The following RHBDD1 variants were observed in gnomAD, a reference collection of about 807,000 sequenced individuals.
RHBDD1 encodes the protein rhomboid domain containing 1, also known as rhomboid-related protein 4.
Under a neutral mutation model 36.3 loss-of-function variants are expected in RHBDD1, and 38 were observed. The ratio of observed to expected loss-of-function variants is 1.05; its 90% CI spans 0.81 to 1.37. RHBDD1 has a LOEUF of 1.37. Among genes scored for constraint, RHBDD1 ranks in the 40% most tolerant of loss-of-function variants. RHBDD1 has a pLI of 0.00. For synonymous variants in RHBDD1, 151 were observed against 136.5 expected (o/e 1.11, Z -0.74); for missense variants, 393 against 377.6 (o/e 1.04, Z -0.34).
chr2:226,825,584 T>TA, the RHBDD1 span, among the ~76,000 whole-genome samples: 1 of 152,190 alleles, frequency 6.6e-6, no homozygotes, highest in Admixed American at 6.5e-5. Flanking sequence ...AATTCTGAAA[T>TA]AGACAGTAAA....
rs3055611 is a variant in RHBDD1 at position 226,981,569 on chromosome 2, T to TACACACACACACAC, written c.857-13857_857-13844dup. ...ATGCACTCATCCACATGCACACACATACACACACACACACACACTTTCTCT... is the reference window on the plus strand; with the variant it reads ...ATGCACTCATCCACATGCACACACATACACACACACACACACACACACACACACACACTTTCTCT... On this transcript the variant is annotated intron_variant, in intron 8 of 8. Coordinates refer to ENST00000392062, the MANE Select transcript of RHBDD1 (RefSeq NM_001167608.3). Among the ~76,000 whole-genome samples the TACACACACACACAC allele has an allele frequency of 5.3e-3, 801 of 150,270 alleles. 8 individuals are homozygous for TACACACACACACAC. Among genetic ancestry groups the TACACACACACACAC allele is most frequent in the African/African-American group, 0.019 (767 of 41,020 alleles).
At chr2:226,888,487 A>G (rs1946414840) in intron 5 of RHBDD1, among the ~76,000 whole-genome samples, 1 of 152,128 alleles carries the variant, frequency 6.6e-6, no homozygotes, top group African/African-American at 2.4e-5. Flanking sequence ...TGACTCCTGT[A>G]AAAAAGGTCT....
At chr2:226,937,734 G>T (rs780733542) in intron 8 of RHBDD1, among the ~76,000 whole-genome samples, 3 of 152,116 alleles carry the variant, frequency 2.0e-5, no homozygotes, top group Non-Finnish European at 2.9e-5. Flanking sequence ...AAGGATAATG[G>T]CCTCCAGCTT....
intron 8 of RHBDD1, among the ~76,000 whole-genome samples, chr2:226,979,587 C>T (rs908403735): frequency 6.6e-6 from 1 of 152,174 alleles, no homozygotes; most frequent in Non-Finnish European, 1.5e-5. Context: ...AAGCAAGCAT[C>T]CCGCACAGGA....
intron 8 of RHBDD1, among the ~76,000 whole-genome samples, chr2:226,963,696 G>A (rs771247509): frequency 6.6e-5 from 10 of 152,052 alleles, no homozygotes; most frequent in Non-Finnish European, 1.5e-4. Context: ...AGTGAGCCTG[G>A]CCACTAGGCT....
chr2:226,948,443 G>T (rs1245760016), intron 8 of RHBDD1, among the ~76,000 whole-genome samples: 1 of 148,814 alleles, frequency 6.7e-6, no homozygotes, highest in Non-Finnish European at 1.5e-5. Flanking sequence ...GGGAGGGATA[G>T]CATTGGGAGA....
intron 8 of RHBDD1, among the ~76,000 whole-genome samples, chr2:226,937,470 G>T (rs986399581): frequency 6.6e-6 from 1 of 151,938 alleles, no homozygotes; most frequent in East Asian, 1.9e-4. Context: ...TACATGTGCA[G>T]GAAATGCAGG....
chr2:226,887,943 A>G (rs1440884342), intron 5 of RHBDD1, among the ~76,000 whole-genome samples: 1 of 152,244 alleles, frequency 6.6e-6, no homozygotes, highest in Non-Finnish European at 1.5e-5. Context: ...AAGTCATTTA[A>G]ACAGATACAA....
At chr2:226,979,380 T>G (rs1210906703) in intron 8 of RHBDD1, among the ~76,000 whole-genome samples, 1 of 152,182 alleles carries the variant, frequency 6.6e-6, no homozygotes, top group Admixed American at 6.5e-5. Context: ...AGATGGTTCC[T>G]GTTAACAGGC....
At chr2:226,904,583 G>C (rs1044026682) in intron 5 of RHBDD1, among the ~76,000 whole-genome samples, 1 of 152,180 alleles carries the variant, frequency 6.6e-6, no homozygotes, top group Admixed American at 6.5e-5. Context: ...GTGAGGGCTT[G>C]TCTGGGCAAT....
intron 5 of RHBDD1, among the ~76,000 whole-genome samples, chr2:226,898,856 T>C (rs1030789701): frequency 6.6e-6 from 1 of 152,208 alleles, no homozygotes; most frequent in Non-Finnish European, 1.5e-5. Context: ...GAGAGTACAA[T>C]AGGCCACTTC....
chr2:226,953,151 A>G (rs1951548414), intron 8 of RHBDD1, among the ~76,000 whole-genome samples: 1 of 152,210 alleles, frequency 6.6e-6, no homozygotes, highest in Non-Finnish European at 1.5e-5. Context: ...GGTGAATTTT[A>G]ATGATTACTG....
intron 8 of RHBDD1, among the ~76,000 whole-genome samples, chr2:226,943,046 CAAG>C (rs1950764915): frequency 6.6e-6 from 1 of 152,118 alleles, no homozygotes; most frequent in South Asian, 2.1e-4. Flanking sequence ...TGAGAAAAAC[CAAG>C]AGTCATATGT....
chr2:226,869,631 C>T (rs1213330884), intron 5 of RHBDD1, among the ~76,000 whole-genome samples: 1 of 152,136 alleles, frequency 6.6e-6, no homozygotes, highest in African/African-American at 2.4e-5. Flanking sequence ...GTAATTTCCC[C>T]CAGTTACAGA....
At chr2:226,833,002 G>T (rs918267068), upstream of RHBDD1, among the ~76,000 whole-genome samples, 4 of 152,086 alleles carry the variant, frequency 2.6e-5, no homozygotes, top group African/African-American at 9.7e-5. Flanking sequence ...AAAAGAAAAA[G>T]AAATTTCTTT....
At chr2:226,852,901 T>TTATTATTA (rs1942955508) in intron 3 of RHBDD1, among the ~76,000 whole-genome samples, 1 of 125,204 alleles carries the variant, frequency 8.0e-6, no homozygotes, top group Non-Finnish European at 1.6e-5. Context: ...ACCTGGCTAA[T>TTATTATTA]TTATTATTAT....
intron 8 of RHBDD1, among the ~76,000 whole-genome samples, chr2:226,991,079 A>G (rs1958089541): frequency 6.6e-6 from 1 of 152,258 alleles, no homozygotes; most frequent in African/African-American, 2.4e-5. Flanking sequence ...CTCAGAAGAC[A>G]GATATTTAGT....
intron 8 of RHBDD1, among the ~76,000 whole-genome samples, chr2:226,979,454 C>T (rs577835387): frequency 6.6e-6 from 1 of 152,188 alleles, no homozygotes; most frequent in Non-Finnish European, 1.5e-5. Context: ...GCTCCTCCCC[C>T]CTGCAAATGG....
chr2:226,884,930 A>G (rs1251856907), intron 5 of RHBDD1, among the ~76,000 whole-genome samples: 1 of 152,192 alleles, frequency 6.6e-6, no homozygotes, highest in Non-Finnish European at 1.5e-5. Flanking sequence ...AAAGGGCAAA[A>G]ATCAGAAATA....
Sources: gnomAD v4.1 joint callset for allele counts (sites outside exome capture counted in the v4.1 genomes callset) on GRCh38, gnomAD v4.1.1 for gene constraint, MANE v1.5 for transcripts, NCBI Gene and HGNC (gene_info 2026-07-23, HGNC 2026-07-21) for gene names.